Variants in PIK3R1 observed in about 807,000 individuals in gnomAD.
PIK3R1 encodes the protein phosphoinositide-3-kinase regulatory subunit 1, also known as phosphatidylinositol 3-kinase regulatory subunit alpha.
A neutral mutation model predicts 98.0 loss-of-function variants in PIK3R1; 29 were observed. That is an observed-to-expected ratio of 0.30 (90% CI 0.22 to 0.40). The LOEUF (loss-of-function observed/expected upper bound fraction) is 0.40, where lower values mean the gene tolerates loss of function less well. Ranked by LOEUF, PIK3R1 falls within the 10% of genes least tolerant of loss-of-function variation. The pLI, the probability that PIK3R1 is intolerant of heterozygous loss-of-function variation, is 1.00. For synonymous variants in PIK3R1, 282 were observed against 311.8 expected (o/e 0.90, Z 1.01); for missense variants, 596 against 872.7 (o/e 0.68, Z 3.99).
intron 2 of PIK3R1, among the ~76,000 whole-genome samples, chr5:68,238,988 A>T (rs1744775526): frequency 6.6e-6 from 1 of 152,126 alleles, no homozygotes; most frequent in Non-Finnish European, 1.5e-5. Flanking sequence ...AAAAAAAAAA[A>T]AATAGTGCAT....
rs144044046 is a variant in PIK3R1, at chr5:68,245,495, G to A, written c.334+18486G>A. 2.2e-4 allele frequency among the ~76,000 whole-genome samples: 33 copies of A among 152,218 alleles called. No individual in the cohort carries two copies. In the East Asian group the frequency reaches 6.2e-3, roughly 29 times the overall value. On this transcript the variant is annotated intron_variant, in intron 2 of 15. Transcript: ENST00000521381. ...TGGAGCACTTGCAAATAGGCTGGAC[G>A]TCTCAGAGTTCTGAACAATGCCCTT... is the stretch of plus-strand genomic sequence containing the variant.
intron 2 of PIK3R1, among the ~76,000 whole-genome samples, chr5:68,255,381 A>G (rs1265757775): frequency 1.3e-5 from 2 of 152,218 alleles, no homozygotes; most frequent in East Asian, 3.8e-4. Context: ...CTATATCCCA[A>G]TACCATCATT....
intron 1 of PIK3R1, among the ~76,000 whole-genome samples, chr5:68,218,583 A>G (rs1169432062): frequency 6.6e-6 from 1 of 152,156 alleles, no homozygotes; most frequent in Non-Finnish European, 1.5e-5. Context: ...GAATAAAGAG[A>G]TGGTGAATGA....
At position 68,293,411 on chromosome 5, in the gene PIK3R1, G is replaced by A. The variant is rs2112258965; in HGVS notation, c.1227G>A (p.Arg409=). The change falls in exon 10 of 16, where the codon CGG becomes CGA. Residue 409 remains arginine (R), a synonymous_variant. Coordinates refer to ENST00000521381, the MANE Select transcript of PIK3R1 (RefSeq NM_181523.3). ...SSVVELINHY[R]NESLAQYNPK... ...TGGTTGAATTAATAAACCACTACCG[G>A]AATGAATCTCTAGCTCAGTATAATC... 6.2e-7 allele frequency: 1 copy of A among 1,613,502 alleles called. No individual in the cohort carries two copies. Among genetic ancestry groups the A allele is most frequent in the Non-Finnish European group, 8.5e-7 (1 of 1,179,576 alleles).
intron 2 of PIK3R1, among the ~76,000 whole-genome samples, chr5:68,236,018 A>C (rs1180030848): frequency 6.8e-6 from 1 of 146,684 alleles, no homozygotes; most frequent in African/African-American, 2.5e-5. Context: ...CTACAGGCAC[A>C]TGCTGCCACG....
chr5:68,274,050 ACAGGTCTTGGCTTTCTGTTTCAGGTAATG>A, intron 4 of PIK3R1, 37 bp downstream of exon 4: 1 of 1,496,120 alleles, frequency 6.7e-7, no homozygotes, highest in Non-Finnish European at 9.3e-7. Flanking sequence ...AATGGGAAAG[ACAGGTCTTGGCTTTCTGTTTCAGGTAATG>A]CACACACACA....
chr5:68,262,608 T>TGTACCTACAC (rs1256427975), intron 2 of PIK3R1, among the ~76,000 whole-genome samples: 1 of 146,440 alleles, frequency 6.8e-6, no homozygotes, highest in Non-Finnish European at 1.5e-5. Flanking sequence ...TGTATACACA[T>TGTACCTACAC]GTATACACAT....
intron 7 of PIK3R1, among the ~76,000 whole-genome samples, chr5:68,284,832 A>G (rs987995672): frequency 6.6e-6 from 1 of 151,306 alleles, no homozygotes; most frequent in African/African-American, 2.4e-5. Context: ...AACACATCTA[A>G]TACATCCAGC....
At chr5:68,262,761 A>G (rs1359322154) in intron 2 of PIK3R1, among the ~76,000 whole-genome samples, 1 of 139,906 alleles carries the variant, frequency 7.1e-6, no homozygotes, top group East Asian at 2.1e-4. Flanking sequence ...ACATGTATAC[A>G]TATATACATG....
rs2112262128 is a variant in PIK3R1, at chr5:68,293,712, C to A, written c.1303C>A (p.Gln435Lys). The A allele has an allele frequency of 1.4e-6, 2 of 1,439,092 alleles. No individual in the cohort carries two copies. The highest frequency in any genetic ancestry group is 1.9e-6 in the Non-Finnish European group (2 of 1,041,810). The allele number at this position is 1,439,092 out of a possible 1,614,324, so 89.1% of individuals were successfully genotyped here. The change falls in exon 11 of 16, where the codon CAA (glutamine) becomes AAA (lysine). Residue 435 changes from glutamine (Q) to lysine (K), a missense_variant. Gln to Lys is a moderately conservative substitution (Grantham distance 53, BLOSUM62 1). This residue lies in a region of PIK3R1 where 207 missense variants were observed against 361.4 expected (regional missense o/e 0.57). Coordinates refer to ENST00000521381, the MANE Select transcript of PIK3R1 (RefSeq NM_181523.3). Reference protein sequence around the residue: ...LYPVSKYQQDQVVKEDNIEAV... With the variant: ...LYPVSKYQQDKVVKEDNIEAV... ...GAATTTATTTTAATCTTTCTAGGAT[C>A]AAGTTGTCAAAGAAGATAATATTGA...
chr5:68,225,204 C>T (rs1341623158), intron 1 of PIK3R1, among the ~76,000 whole-genome samples: 1 of 151,632 alleles, frequency 6.6e-6, no homozygotes, highest in Non-Finnish European at 1.5e-5. Context: ...CAGTTACATA[C>T]ATTGAACTTC....
intron 2 of PIK3R1, among the ~76,000 whole-genome samples, chr5:68,259,764 T>C (rs796649021): frequency 3.9e-4 from 60 of 152,318 alleles, no homozygotes; most frequent in African/African-American, 1.3e-3. Context: ...TGCATTGAGC[T>C]GCCCCCCAAA....
chr5:68,297,993 G>GGA lies in PIK3R1; in HGVS notation c.*400_*401dup, dbSNP rs1747827600. The stretch of plus-strand genomic sequence containing the variant: ...GAAAGTTGGGACTCTGGAGAGCGGA[G>GGA]GAGAGAGAGGCAGAAGAACCCTGGC... On this transcript the variant is annotated 3_prime_UTR_variant, in exon 16 of 16. Transcript: ENST00000521381. 4.2e-6 allele frequency: 1 copy of GGA among 237,428 alleles called. No homozygotes were observed. Among genetic ancestry groups the GGA allele is most frequent in the East Asian group, 6.1e-5 (1 of 16,474 alleles). 14.7% of individuals were successfully genotyped at this position (237,428 alleles called of 1,614,324 possible). A position where few individuals can be genotyped will look rare whatever the true frequency, so the allele number is the denominator to read the frequency against.
intron 2 of PIK3R1, among the ~76,000 whole-genome samples, chr5:68,262,982 G>A (rs1276825983): frequency 4.0e-5 from 1 of 25,096 alleles, no homozygotes. Flanking sequence ...TATACATGTA[G>A]ATACATGTAG....
In PIK3R1 at chr5:68,292,543, G is replaced by A. The variant is rs543861465; in HGVS notation, c.1019+182G>A. ...AGAACTGTGGGTGCTGGATGCCACA[G>A]GAAATTAAATACCCGGGAAGTTTCA... is the stretch of plus-strand genomic sequence containing the variant. On this transcript the variant is annotated intron_variant, in intron 8 of 15. Transcript: ENST00000521381. The A allele has an allele frequency of 9.8e-5, 149 of 1,516,058 alleles. 1 individual carries two copies. The South Asian group carries it at 1.7e-3, about 18-fold the overall frequency. 93.9% of individuals were successfully genotyped at this position (1,516,058 alleles called of 1,614,324 possible).
intron 7 of PIK3R1, chr5:68,291,898 T>C (rs1747414858): frequency 6.0e-6 from 1 of 166,520 alleles, no homozygotes; most frequent in African/African-American, 2.4e-5. Context: ...CATATGTTCA[T>C]AGTTTCTTAC....
chr5:68,293,218 C>A lies in PIK3R1; in HGVS notation c.1118+19C>A, dbSNP rs2112255264. ...CACTAAGGTAAGCCAGGGAATATAG[C>A]TGAAATTAGGGTTTTGGGCTGATAT... On this transcript the variant is annotated intron_variant, in intron 9 of 15. Coordinates refer to ENST00000521381, the MANE Select transcript of PIK3R1 (RefSeq NM_181523.3). 1 of 1,604,062 alleles carries A rather than the reference C, an allele frequency of 6.2e-7. No homozygotes were observed. The highest frequency in any genetic ancestry group is 8.5e-7 in the Non-Finnish European group (1 of 1,171,696).
rs374136670 is a variant in PIK3R1 at position 68,262,841 on chromosome 5, ATG to A, written c.335-10547_335-10546del. On this transcript the variant is annotated intron_variant, in intron 2 of 15. Transcript: ENST00000521381. The stretch of plus-strand genomic sequence containing the variant: ...TAGATACATGTAGATACATGTATAC[ATG>A]TAGATACATGTAGATACATGTATAC... 2.5e-3 allele frequency among the ~76,000 whole-genome samples: 126 copies of A among 50,610 alleles called. 38 individuals are homozygous for A. Among genetic ancestry groups the A allele is most frequent in the Admixed American group, 3.7e-3 (24 of 6,458 alleles). The allele number at this position is 50,610 out of a possible 152,430, so 33.2% of individuals were successfully genotyped here. A position where few individuals can be genotyped will look rare whatever the true frequency, so the allele number is the denominator to read the frequency against.
chr5:68,247,312 T>C (rs1341479632), intron 2 of PIK3R1, among the ~76,000 whole-genome samples: 1 of 152,220 alleles, frequency 6.6e-6, no homozygotes, highest in Non-Finnish European at 1.5e-5. Context: ...TTGATTGATT[T>C]TGAAAACATT....
Sources: gnomAD v4.1 joint callset for allele counts (sites outside exome capture counted in the v4.1 genomes callset) on GRCh38, gnomAD v4.1.1 for gene constraint, gnomAD v4.1.1 regional missense constraint, MANE v1.5 for transcripts, NCBI Gene and HGNC (gene_info 2026-07-23, HGNC 2026-07-21) for gene names.